Variants in DLGAP1 observed in about 807,000 individuals in gnomAD.
DLGAP1 encodes the protein DLG associated protein 1, also known as disks large-associated protein 1.
Under a neutral mutation model 90.8 loss-of-function variants are expected in DLGAP1, and 11 were observed. The observed-to-expected ratio is 0.12, with a 90% CI of 0.08 to 0.20. DLGAP1 has a LOEUF of 0.20. DLGAP1 is among the 10% of genes least tolerant of loss of function. The probability of loss-of-function intolerance (pLI) is 1.00; values close to 1 mark genes in which losing one functional copy is unlikely to be tolerated. For synonymous variants in DLGAP1, 558 were observed against 540.7 expected (o/e 1.03, Z -0.44); for missense variants, 1,050 against 1,333.8 (o/e 0.79, Z 3.31).
intron 2 of DLGAP1, among the ~76,000 whole-genome samples, chr18:4,080,513 C>G (rs1211459351): frequency 6.6e-6 from 1 of 152,204 alleles, no homozygotes; most frequent in Non-Finnish European, 1.5e-5. Flanking sequence ...GGGCAGAGAT[C>G]TGCATCTGTA....
At chr18:4,444,881 A>G (rs1446200634) in intron 1 of DLGAP1, among the ~76,000 whole-genome samples, 1 of 152,188 alleles carries the variant, frequency 6.6e-6, no homozygotes, top group Admixed American at 6.5e-5. Flanking sequence ...AATTATCCTT[A>G]TTTTTCAGAT....
At chr18:3,584,800 G>A (rs2055776975) in intron 7 of DLGAP1, among the ~76,000 whole-genome samples, 1 of 152,100 alleles carries the variant, frequency 6.6e-6, no homozygotes, top group South Asian at 2.1e-4. Context: ...TCATCAGGTT[G>A]GAAGGCAGTG....
At chr18:3,796,705 G>A (rs947303799) in intron 5 of DLGAP1, among the ~76,000 whole-genome samples, 1 of 152,076 alleles carries the variant, frequency 6.6e-6, no homozygotes. Flanking sequence ...GGAAACTGTC[G>A]GATCCTCACC....
chr18:3,752,996 T>C (rs980077054), intron 5 of DLGAP1, among the ~76,000 whole-genome samples: 9 of 152,196 alleles, frequency 5.9e-5, no homozygotes, highest in Non-Finnish European at 1.3e-4. Context: ...AACAATCATG[T>C]AAAAGTTTTT....
rs146272070 is a variant in DLGAP1 at position 3,673,869 on chromosome 18, G to T, written c.1591+55266C>A. On this transcript the variant is annotated intron_variant, in intron 7 of 12. Transcript: ENST00000315677. ...CCTTTTTTTTTTCTTTTGAGAGGGAGTCTCACTCTGTTGCCCAGGCTGGAG... is the reference window on the plus strand; with the variant it reads ...CCTTTTTTTTTTCTTTTGAGAGGGATTCTCACTCTGTTGCCCAGGCTGGAG... Among the ~76,000 whole-genome samples the T allele has an allele frequency of 5.7e-3, 828 of 145,142 alleles. 5 individuals are homozygous for T. The highest frequency in any genetic ancestry group is 0.02 in the African/African-American group (773 of 38,918).
chr18:3,788,555 A>G (rs1432850080), intron 5 of DLGAP1, among the ~76,000 whole-genome samples: 2 of 152,228 alleles, frequency 1.3e-5, no homozygotes, highest in African/African-American at 4.8e-5. Flanking sequence ...ACAAACAACT[A>G]TGATTAGGTT....
At chr18:3,513,100 A>G (rs8096333) in intron 10 of DLGAP1, among the ~76,000 whole-genome samples, 1 of 152,270 alleles carries the variant, frequency 6.6e-6, no homozygotes, top group African/African-American at 2.4e-5. Flanking sequence ...TTTAAGATAC[A>G]TCATATAAGC....
chr18:3,739,357 C>T (rs2062801825), intron 6 of DLGAP1, among the ~76,000 whole-genome samples: 1 of 147,088 alleles, frequency 6.8e-6, no homozygotes, highest in Admixed American at 6.8e-5. Flanking sequence ...TTCACAATAG[C>T]AAAGACTTGG....
chr18:4,440,646 G>A lies in DLGAP1; in HGVS notation c.-267+14360C>T, dbSNP rs556000895. 5.9e-5 allele frequency among the ~76,000 whole-genome samples: 9 copies of A among 152,266 alleles called. No homozygotes were observed. In the South Asian group the frequency reaches 8.3e-4, roughly 14 times the overall value. On this transcript the variant is annotated intron_variant, in intron 1 of 12. Transcript: ENST00000315677. ...ACCTATATAGACACACGAGAAGAAA[G>A]ATATAAGCCATTTCACTTATAAAAT... is the stretch of plus-strand genomic sequence containing the variant.
At chr18:4,291,136 T>G (rs1435911068) in intron 1 of DLGAP1, among the ~76,000 whole-genome samples, 1 of 152,212 alleles carries the variant, frequency 6.6e-6, no homozygotes, top group Non-Finnish European at 1.5e-5. Context: ...ATTTATATTA[T>G]GGGTGATGGT....
chr18:4,452,126 A>T (rs549217047), intron 1 of DLGAP1, among the ~76,000 whole-genome samples: 98 of 152,294 alleles, frequency 6.4e-4, no homozygotes, highest in South Asian at 1.7e-3. Context: ...TTTTAATTGG[A>T]TGCTTCCTGA....
intron 5 of DLGAP1, among the ~76,000 whole-genome samples, chr18:3,782,713 C>T (rs183915249): frequency 6.6e-5 from 10 of 152,298 alleles, no homozygotes; most frequent in South Asian, 2.1e-4. Context: ...TAAATAAGAA[C>T]GTGACTTCCC....
At chr18:3,767,111 G>A (rs775554501) in intron 5 of DLGAP1, among the ~76,000 whole-genome samples, 1 of 152,046 alleles carries the variant, frequency 6.6e-6, no homozygotes, top group African/African-American at 2.4e-5. Flanking sequence ...CAGGTATAAA[G>A]GGATACTATG....
At chr18:3,596,723 A>AACAG in intron 7 of DLGAP1, 2 of 444,666 alleles carry the variant, frequency 4.5e-6, no homozygotes, top group Non-Finnish European at 8.9e-6. Context: ...AACAGGGATG[A>AACAG]GAAGAGACTT....
chr18:4,350,224 G>A (rs948805522), intron 1 of DLGAP1, among the ~76,000 whole-genome samples: 4 of 152,012 alleles, frequency 2.6e-5, no homozygotes, highest in Non-Finnish European at 4.4e-5. Context: ...TGTTCAAAGC[G>A]TTTATTTCTT....
chr18:4,124,104 T>C (rs1481938310), intron 2 of DLGAP1, among the ~76,000 whole-genome samples: 2 of 152,344 alleles, frequency 1.3e-5, no homozygotes, highest in East Asian at 1.9e-4. Context: ...GGTTGTTTTC[T>C]TCACAACTGA....
intron 7 of DLGAP1, among the ~76,000 whole-genome samples, chr18:3,664,876 T>C (rs1365061468): frequency 6.6e-6 from 1 of 152,222 alleles, no homozygotes; most frequent in Non-Finnish European, 1.5e-5. Context: ...CTTCTCACCA[T>C]AGCTTTTAAT....
In DLGAP1 at chr18:3,522,836, C is replaced by A. The variant is rs116866030; in HGVS notation, c.2479+11358G>T. Among the ~76,000 whole-genome samples, 59 of 152,182 alleles carry A rather than the reference C, an allele frequency of 3.9e-4. No individual in the cohort carries two copies. The East Asian group carries it at 0.011, about 28-fold the overall frequency. The stretch of plus-strand genomic sequence containing the variant: ...GGGATTATAGGTGTAAACCACTGCA[C>A]CCAGCTGCAGTCAACTAATTTTTGA... On this transcript the variant is annotated intron_variant, in intron 10 of 12. Coordinates refer to ENST00000315677, the MANE Select transcript of DLGAP1 (RefSeq NM_004746.4).
At chr18:3,832,391 T>C (rs73940231) in intron 4 of DLGAP1, among the ~76,000 whole-genome samples, 2,621 of 152,348 alleles carry the variant, frequency 0.017, 75 homozygotes, top group African/African-American at 0.059. Flanking sequence ...CTGGGTGAGA[T>C]GGTTCAGATA....
Sources: allele counts gnomAD v4.1 joint callset (sites outside exome capture counted in the v4.1 genomes callset), GRCh38; gene constraint gnomAD v4.1.1; transcripts MANE v1.5; gene names NCBI Gene and HGNC (gene_info 2026-07-23, HGNC 2026-07-21).